Variants in LRMDA observed in about 807,000 individuals in gnomAD.
The protein encoded by LRMDA is leucine-rich melanocyte differentiation-associated protein.
A neutral mutation model predicts 29.8 loss-of-function variants in LRMDA; 18 were observed. The observed-to-expected ratio is 0.60, with a 90% CI of 0.42 to 0.90. The LOEUF (loss-of-function observed/expected upper bound fraction) is 0.90. Ranked by LOEUF, LRMDA falls within the 40% of genes least tolerant of loss-of-function variation. The pLI is 0.00. For missense variants in LRMDA, 273 were observed against 273.9 expected (o/e 1.00, Z 0.02); for synonymous variants, 125 against 109.4 (o/e 1.14, Z -0.89).
chr10:76,374,578 G>A (rs1036843962), intron 6 of LRMDA, among the ~76,000 whole-genome samples: 2 of 152,154 alleles, frequency 1.3e-5, no homozygotes, highest in Admixed American at 6.6e-5. Flanking sequence ...AGACACCAAC[G>A]CTCAGTTGAA....
chr10:76,470,209 T>C (rs2132316082), intron 6 of LRMDA, among the ~76,000 whole-genome samples: 2 of 152,212 alleles, frequency 1.3e-5, no homozygotes, highest in South Asian at 2.1e-4. Context: ...TAATACAGGC[T>C]GAAAGCAGTA....
At chr10:75,563,667 A>G (rs1462051680) in intron 2 of LRMDA, among the ~76,000 whole-genome samples, 1 of 151,840 alleles carries the variant, frequency 6.6e-6, no homozygotes, top group Non-Finnish European at 1.5e-5. Context: ...GGTTTTATCT[A>G]CTTTTGGTCT....
chr10:76,467,381 C>A (rs1842574935), intron 6 of LRMDA, among the ~76,000 whole-genome samples: 1 of 152,160 alleles, frequency 6.6e-6, no homozygotes, highest in Non-Finnish European at 1.5e-5. Flanking sequence ...AGCATCTGCC[C>A]CAGCTGGTGG....
chr10:76,285,210 T>C (rs867740366), intron 5 of LRMDA, among the ~76,000 whole-genome samples: 3 of 152,186 alleles, frequency 2.0e-5, no homozygotes, highest in Non-Finnish European at 4.4e-5. Flanking sequence ...CAGGATATAG[T>C]TGGCCAATCT....
At chr10:76,415,541 C>G (rs918556514) in intron 6 of LRMDA, among the ~76,000 whole-genome samples, 1 of 152,252 alleles carries the variant, frequency 6.6e-6, no homozygotes, top group African/African-American at 2.4e-5. Flanking sequence ...AGGAGTTGGA[C>G]TAAATGGTAT....
intron 2 of LRMDA, among the ~76,000 whole-genome samples, chr10:75,790,874 T>C (rs1260026171): frequency 6.6e-6 from 1 of 152,244 alleles, no homozygotes; most frequent in Non-Finnish European, 1.5e-5. Flanking sequence ...CAATATCCTC[T>C]GTGGGGAAGG....
intron 2 of LRMDA, among the ~76,000 whole-genome samples, chr10:75,807,115 A>G (rs912629927): frequency 6.6e-6 from 1 of 152,062 alleles, no homozygotes; most frequent in Non-Finnish European, 1.5e-5. Flanking sequence ...TCACCTCTCA[A>G]TTCATTGTGA....
intron 6 of LRMDA, among the ~76,000 whole-genome samples, chr10:76,349,388 C>T (rs974097520): frequency 6.6e-6 from 1 of 152,040 alleles, no homozygotes; most frequent in African/African-American, 2.4e-5. Context: ...TGGGAGCTAG[C>T]TTGCCACTCC....
At chr10:75,913,332 C>T (rs113368525) in intron 2 of LRMDA, among the ~76,000 whole-genome samples, 1 of 152,050 alleles carries the variant, frequency 6.6e-6, no homozygotes, top group Non-Finnish European at 1.5e-5. Context: ...TGGCGCGAGC[C>T]TGTAGTCCCA....
chr10:75,615,536 G>A (rs1476759905), intron 2 of LRMDA, among the ~76,000 whole-genome samples: 1 of 152,132 alleles, frequency 6.6e-6, no homozygotes, highest in Admixed American at 6.5e-5. Flanking sequence ...AAGTCTGTAT[G>A]ACAGCTGCAT....
At chr10:76,223,908 C>T (rs1442769209) in intron 5 of LRMDA, among the ~76,000 whole-genome samples, 1 of 152,130 alleles carries the variant, frequency 6.6e-6, no homozygotes, top group African/African-American at 2.4e-5. Flanking sequence ...TGTCTTTCTA[C>T]TTGGTCTATC....
intron 2 of LRMDA, among the ~76,000 whole-genome samples, chr10:75,817,716 C>T (rs1178133002): frequency 6.6e-6 from 1 of 152,048 alleles, no homozygotes; most frequent in African/African-American, 2.4e-5. Flanking sequence ...GGAAAATAAG[C>T]GTTTGGGAGG....
At chr10:76,432,644 T>C (rs1186266185) in intron 6 of LRMDA, among the ~76,000 whole-genome samples, 2 of 152,214 alleles carry the variant, frequency 1.3e-5, no homozygotes, top group African/African-American at 2.4e-5. Flanking sequence ...AAAATTTTAT[T>C]GTCTAATGTA....
chr10:75,633,972 G>A (rs918822079), intron 2 of LRMDA, among the ~76,000 whole-genome samples: 65 of 152,290 alleles, frequency 4.3e-4, no homozygotes, highest in African/African-American at 1.4e-3. Context: ...CATTATAGTG[G>A]CTTCACCCAC....
intron 2 of LRMDA, among the ~76,000 whole-genome samples, chr10:75,508,323 A>G (rs138168365): frequency 1.3e-5 from 2 of 152,266 alleles, no homozygotes; most frequent in African/African-American, 4.8e-5. Flanking sequence ...TACGTGATAA[A>G]TCAACCACAG....
intron 2 of LRMDA, among the ~76,000 whole-genome samples, chr10:75,695,454 C>T (rs994871304): frequency 1.3e-5 from 2 of 151,608 alleles, no homozygotes; most frequent in Non-Finnish European, 2.9e-5. Flanking sequence ...TTCTGTTGCC[C>T]CAGAGCTTTT....
chr10:75,608,171 A>G (rs539514808), intron 2 of LRMDA, among the ~76,000 whole-genome samples: 1 of 144,588 alleles, frequency 6.9e-6, no homozygotes, highest in East Asian at 2.1e-4. Context: ...CCTTAAAAAA[A>G]GAAGGGTGTC....
chr10:76,171,159 A>T (rs1305610611), intron 5 of LRMDA, among the ~76,000 whole-genome samples: 1 of 152,214 alleles, frequency 6.6e-6, no homozygotes. Context: ...GTGGAATGGG[A>T]TAAGTCATCT....
intron 2 of LRMDA, chr10:75,883,507 C>T (rs1054143143): frequency 6.6e-6 from 1 of 152,138 alleles, no homozygotes; most frequent in Non-Finnish European, 1.5e-5. Flanking sequence ...CATGTTAATA[C>T]CACCAGAGAC....
Sources: gnomAD v4.1 joint callset for allele counts (sites outside exome capture counted in the v4.1 genomes callset) on GRCh38, gnomAD v4.1.1 for gene constraint, MANE v1.5 for transcripts, NCBI Gene and HGNC (gene_info 2026-07-23, HGNC 2026-07-21) for gene names.